ABTB2: variants seen among roughly 807,000 people sequenced by gnomAD.
The protein encoded by ABTB2 is ankyrin repeat and BTB domain containing 2, also known as ankyrin repeat and BTB/POZ domain-containing protein 2.
Under a neutral mutation model 104.1 loss-of-function variants are expected in ABTB2, and 56 were observed. The ratio of observed to expected loss-of-function variants is 0.54; its 90% confidence interval spans 0.43 to 0.67. The LOEUF is 0.67. ABTB2 is among the 30% of genes least tolerant of loss of function. The pLI, the probability that ABTB2 is intolerant of heterozygous loss-of-function variation, is 0.00. For synonymous variants in ABTB2, 606 were observed against 608.2 expected, an observed-to-expected ratio of 1.00 and a Z score of 0.05; for missense variants, 1,279 against 1,407.7, an observed-to-expected ratio of 0.91 and a Z score of 1.46.
rs1852910669 is a variant in ABTB2 at position 34,173,240 on chromosome 11, G to A, written c.1312C>T (p.Arg438Cys). The change falls in exon 4 of 17, where the codon CGC becomes TGC. Residue 438 changes from arginine (R) to cysteine (C), a missense_variant. By Grantham distance (180) the Arg-to-Cys change is radical. Coordinates refer to ENST00000435224, the MANE Select transcript of ABTB2 (RefSeq NM_145804.3). ...RVAITYAEHR[R>C]SLTVDSGDIR... is the part of the protein sequence containing the mutation. ...TCGCCGCTGTCCACGGTGAGGCTGCGGCGGTGCTCTGCGTAGGTGATGGCC... is the reference window on the plus strand; with the variant it reads ...TCGCCGCTGTCCACGGTGAGGCTGCAGCGGTGCTCTGCGTAGGTGATGGCC... The A allele has an allele frequency of 3.7e-6, 6 of 1,612,742 alleles. No homozygotes were observed. Among genetic ancestry groups the A allele is most frequent in the East Asian group, 2.2e-5 (1 of 44,864 alleles).
At chr11:34,340,169 T>G (rs892209598) in intron 1 of ABTB2, among the ~76,000 whole-genome samples, 2 of 152,222 alleles carry the variant, frequency 1.3e-5, no homozygotes, top group Non-Finnish European at 2.9e-5. Flanking sequence ...GACACTCACT[T>G]TACACACTAA....
rs1852532310 is a variant in ABTB2, at chr11:34,151,256, T to TTGCA, written c.*1127_*1130dup. 2 of 152,244 alleles carry TTGCA rather than the reference T, an allele frequency of 1.3e-5. No individual in the cohort carries two copies. Among genetic ancestry groups the TTGCA allele is most frequent in the Non-Finnish European group, 2.9e-5 (2 of 68,010 alleles). 9.4% of individuals were successfully genotyped at this position (152,244 alleles called of 1,614,324 possible). A position where few individuals can be genotyped will look rare whatever the true frequency, so the allele number is the denominator to read the frequency against. ...AGGTGCGGCCAGACAGCTGAAGAAG[T>TTGCA]TGCACCCAGACAGACTGTGCCTGAT... On this transcript the variant is annotated 3_prime_UTR_variant, in exon 17 of 17. Transcript: ENST00000435224.
In ABTB2 at chr11:34,281,203, T is replaced by A. The variant is rs78982746; in HGVS notation, c.883+75498A>T. On this transcript the variant is annotated intron_variant, in intron 1 of 16. Coordinates refer to ENST00000435224, the MANE Select transcript of ABTB2 (RefSeq NM_145804.3). ...ATCCAGTGTACAGGTGTGGGCATCTTCCTGGTGAACACCTAGCAAGGGTTC... is the reference window on the plus strand; with the variant it reads ...ATCCAGTGTACAGGTGTGGGCATCTACCTGGTGAACACCTAGCAAGGGTTC... 5.1e-3 allele frequency among the ~76,000 whole-genome samples: 774 copies of A among 152,284 alleles called. 7 individuals are homozygous for A. The highest frequency in any genetic ancestry group is 0.018 in the African/African-American group (730 of 41,558).
At chr11:34,253,779 T>C (rs1854085639) in intron 1 of ABTB2, among the ~76,000 whole-genome samples, 1 of 152,214 alleles carries the variant, frequency 6.6e-6, no homozygotes, top group Non-Finnish European at 1.5e-5. Context: ...GGGCACAGTG[T>C]CCTCTCCTCC....
chr11:34,262,823 A>T (rs1854204076), intron 1 of ABTB2, among the ~76,000 whole-genome samples: 1 of 152,084 alleles, frequency 6.6e-6, no homozygotes, highest in Non-Finnish European at 1.5e-5. Flanking sequence ...GGCGATTGTC[A>T]CCTGCAAACC....
chr11:34,325,069 G>A (rs1454976254), intron 1 of ABTB2, among the ~76,000 whole-genome samples: 2 of 152,084 alleles, frequency 1.3e-5, no homozygotes, highest in East Asian at 3.8e-4. Flanking sequence ...TCAAAGTGCT[G>A]GGATTACAGG....
chr11:34,242,989 G>T (rs1370489113), intron 1 of ABTB2, among the ~76,000 whole-genome samples: 1 of 152,124 alleles, frequency 6.6e-6, no homozygotes, highest in Non-Finnish European at 1.5e-5. Flanking sequence ...TGTCTCTTGT[G>T]ACAGGACCTC....
In ABTB2 at chr11:34,352,615, GT is replaced by G. The variant is rs1359592732; in HGVS notation, c.883+4085del. Among the ~76,000 whole-genome samples the G allele has an allele frequency of 2.1e-4, 32 of 152,182 alleles. 1 individual carries two copies. Among genetic ancestry groups the G allele is most frequent in the Non-Finnish European group, 5.9e-5 (4 of 68,038 alleles). On this transcript the variant is annotated intron_variant, in intron 1 of 16. Transcript: ENST00000435224. ...TTACTATTTATTGAGCATTTACTATGTGCTAAGATCTTTCAATCTATAGTCT... is the reference window on the plus strand; with the variant it reads ...TTACTATTTATTGAGCATTTACTATGGCTAAGATCTTTCAATCTATAGTCT...
At chr11:34,309,176 G>GT (rs1854819936) in intron 1 of ABTB2, among the ~76,000 whole-genome samples, 2 of 152,162 alleles carry the variant, frequency 1.3e-5, no homozygotes. Flanking sequence ...ATGGACGTGT[G>GT]TTTTTTTGCC....
At chr11:34,207,421 G>C (rs1853422664) in intron 1 of ABTB2, among the ~76,000 whole-genome samples, 1 of 152,122 alleles carries the variant, frequency 6.6e-6, no homozygotes, top group African/African-American at 2.4e-5. Flanking sequence ...TTAATACCGT[G>C]GCAAAAGTAA....
In ABTB2 at chr11:34,220,652, C is replaced by T. The variant is rs566528062; in HGVS notation, c.884-15962G>A. Reference sequence around the variant, plus strand: ...AAAGGCAGAAAGAGCCTGGCTCTCTCGCAGTCTCACCCAGCAGCTAAAAGA... The same window carrying T: ...AAAGGCAGAAAGAGCCTGGCTCTCTTGCAGTCTCACCCAGCAGCTAAAAGA... On this transcript the variant is annotated intron_variant, in intron 1 of 16. Coordinates refer to ENST00000435224, the MANE Select transcript of ABTB2 (RefSeq NM_145804.3). Among the ~76,000 whole-genome samples the T allele has an allele frequency of 7.4e-4, 113 of 152,324 alleles. 1 individual carries two copies. The highest frequency in any genetic ancestry group is 2.5e-3 in the African/African-American group (103 of 41,570).
chr11:34,229,851 C>T (rs1020444971), intron 1 of ABTB2, among the ~76,000 whole-genome samples: 1 of 152,178 alleles, frequency 6.6e-6, no homozygotes, highest in African/African-American at 2.4e-5. Context: ...TGTTTCATTT[C>T]ACTTATTACA....
chr11:34,263,009 A>G (rs920245816), intron 1 of ABTB2, among the ~76,000 whole-genome samples: 1 of 152,086 alleles, frequency 6.6e-6, no homozygotes, highest in African/African-American at 2.4e-5. Flanking sequence ...TGGGCCCCAG[A>G]TTTGTTTTGA....
intron 1 of ABTB2, among the ~76,000 whole-genome samples, chr11:34,250,712 T>TGA (rs974482502): frequency 6.6e-5 from 10 of 152,240 alleles, no homozygotes; most frequent in African/African-American, 2.4e-4. Context: ...TTTCCCTCCC[T>TGA]GAGAGAGAGA....
Position 34,308,868 on chromosome 11 carries a change from C to CAAAAAAAAA in ABTB2, c.883+47824_883+47832dup, listed in dbSNP as rs57658114. ...CTTGGGCAATGAGAGGAAACTGTCTCAAAAAAAAAAAAAAAAAAAGAAAAG... is the reference window on the plus strand; with the variant it reads ...CTTGGGCAATGAGAGGAAACTGTCTCAAAAAAAAAAAAAAAAAAAAAAAAAAAAGAAAAG... On this transcript the variant is annotated intron_variant, in intron 1 of 16. Coordinates refer to ENST00000435224, the MANE Select transcript of ABTB2 (RefSeq NM_145804.3). 7.9e-3 allele frequency among the ~76,000 whole-genome samples: 614 copies of CAAAAAAAAA among 77,536 alleles called. 17 individuals are homozygous for CAAAAAAAAA. The highest frequency in any genetic ancestry group is 0.016 in the Middle Eastern group (2 of 122). 50.9% of individuals were successfully genotyped at this position (77,536 alleles called of 152,430 possible).
At chr11:34,344,767 G>A (rs1855309730) in intron 1 of ABTB2, among the ~76,000 whole-genome samples, 1 of 152,204 alleles carries the variant, frequency 6.6e-6, no homozygotes, top group Non-Finnish European at 1.5e-5. Context: ...TAAGGTGCTA[G>A]GATTACAGGT....
chr11:34,191,636 T>G (rs1453733226), intron 3 of ABTB2, among the ~76,000 whole-genome samples: 1 of 152,170 alleles, frequency 6.6e-6, no homozygotes, highest in Non-Finnish European at 1.5e-5. Context: ...GGGAGGGGCT[T>G]CCTGGACCCT....
chr11:34,309,255 T>C (rs1793099969), intron 1 of ABTB2, among the ~76,000 whole-genome samples: 1 of 152,212 alleles, frequency 6.6e-6, no homozygotes, highest in African/African-American at 2.4e-5. Flanking sequence ...CATGTTCCCA[T>C]GCATTGGGTG....
chr11:34,258,852 C>T (rs1368277319), intron 1 of ABTB2, among the ~76,000 whole-genome samples: 1 of 151,784 alleles, frequency 6.6e-6, no homozygotes, highest in African/African-American at 2.4e-5. Context: ...CTACCTGCCT[C>T]GGCCTCCCAA....
Sources: gnomAD v4.1 joint callset for allele counts (sites outside exome capture counted in the v4.1 genomes callset) on GRCh38, gnomAD v4.1.1 for gene constraint, MANE v1.5 for transcripts, NCBI Gene and HGNC (gene_info 2026-07-23, HGNC 2026-07-21) for gene names.